Variants in RP2 observed in about 807,000 individuals in gnomAD.
The protein encoded by RP2 is protein XRP2.
Under a neutral mutation model 20.3 loss-of-function variants are expected in RP2, and 3 were observed. The ratio of observed to expected loss-of-function variants is 0.15; its 90% CI spans 0.07 to 0.38. The LOEUF is 0.38. Among genes scored for constraint, RP2 ranks in the 10% least tolerant of loss-of-function variants. The pLI is 1.00. For missense variants in RP2, 233 were observed against 268.5 expected, an observed-to-expected ratio of 0.87 and a Z score of 0.92; for synonymous variants, 75 against 94.8, an observed-to-expected ratio of 0.79 and a Z score of 1.22.
rs782717608 is a variant in RP2 at position 46,852,209 on chromosome X, A to AAG, written c.103-1255_103-1254dup. 7.2e-4 allele frequency among the ~76,000 whole-genome samples: 78 copies of AAG among 108,609 alleles called. 1 individual carries two copies. Among genetic ancestry groups the AAG allele is most frequent in the Non-Finnish European group, 2.1e-4 (11 of 52,134 alleles). 94.3% of individuals were successfully genotyped at this position (108,609 alleles called of 115,157 possible). A position where few individuals can be genotyped will look rare whatever the true frequency, so the allele number is the denominator to read the frequency against. ...GCGACAGAGCGAGACTCCGTCTCGA[A>AAG]AGAGAGAGAGAGAAAGGAGGGAGGG... On this transcript the variant is annotated intron_variant, in intron 1 of 4. Coordinates refer to ENST00000218340, the MANE Select transcript of RP2 (RefSeq NM_006915.3).
chrX:46,837,169 G>A lies in RP2; in HGVS notation c.69G>A (p.Arg23=). 1.7e-6 allele frequency: 2 copies of A among 1,170,916 alleles called. No homozygotes were observed. Among genetic ancestry groups the A allele is most frequent in the Non-Finnish European group, 2.3e-6 (2 of 874,747 alleles). Residue 23 remains arginine, a synonymous_variant, in exon 1 of 5, where the codon CGG becomes CGA. Transcript: ENST00000218340. ...CGCGGCCCGAGAACGAGGAGGAGCG[G>A]CCAAAGCAGTACAGCTGGGATCAGC... is the stretch of plus-strand genomic sequence containing the variant. ...KESRPENEEE[R]PKQYSWDQRE...
Position 46,877,583 on chromosome X carries a change from G to A in RP2, c.962G>A (p.Gly321Glu), listed in dbSNP as rs1925391821. 1 of 1,162,477 alleles carries A rather than the reference G, an allele frequency of 8.6e-7. No individual in the cohort carries two copies. Among genetic ancestry groups the A allele is most frequent in the East Asian group, 3.0e-5 (1 of 33,658 alleles). Reference protein sequence around the residue: ...CQLIVNEIFNGTKMFVSESKE... With the variant: ...CQLIVNEIFNETKMFVSESKE... ...CTTATTGTAAACGAGATATTCAATGGGACCAAGGTACAAGATTTTATTGAC... is the reference window on the plus strand; with the variant it reads ...CTTATTGTAAACGAGATATTCAATGAGACCAAGGTACAAGATTTTATTGAC... The change falls in exon 4 of 5, where the codon GGG becomes GAG. Residue 321 changes from glycine (G) to glutamate (E), a missense_variant. Physicochemically the swap from Gly to Glu is moderately conservative, Grantham distance 98. Coordinates refer to ENST00000218340, the MANE Select transcript of RP2 (RefSeq NM_006915.3).
intron 3 of RP2, among the ~76,000 whole-genome samples, chrX:46,860,714 G>A (rs1423222972): frequency 9.0e-6 from 1 of 111,505 alleles, no homozygotes; most frequent in East Asian, 2.8e-4. Context: ...CTAGAGGACA[G>A]AGTACTCTTT....
intron 3 of RP2, among the ~76,000 whole-genome samples, chrX:46,867,916 G>C (rs1556323303): frequency 2.7e-5 from 3 of 112,106 alleles, no homozygotes; most frequent in Non-Finnish European, 3.8e-5. Context: ...TGGGCAATTA[G>C]GCCGATTTCA....
chrX:46,862,584 C>T (rs1295482324), intron 3 of RP2, among the ~76,000 whole-genome samples: 2 of 109,270 alleles, frequency 1.8e-5, no homozygotes, highest in African/African-American at 6.7e-5. Flanking sequence ...GGCGTGAACC[C>T]GGGAGGTGGA....
intron 1 of RP2, among the ~76,000 whole-genome samples, chrX:46,850,649 G>T (rs1569531530): frequency 9.0e-6 from 1 of 111,005 alleles, no homozygotes; most frequent in African/African-American, 3.3e-5. Flanking sequence ...GGGAAGGGAG[G>T]GTCCTTTATT....
chrX:46,841,541 C>G (rs1344789777), intron 1 of RP2, among the ~76,000 whole-genome samples: 1 of 112,132 alleles, frequency 8.9e-6, no homozygotes, highest in African/African-American at 3.2e-5. Context: ...TGGGGCCTCT[C>G]CATGTATTCC....
chrX:46,863,193 A>T (rs1925108349), intron 3 of RP2, among the ~76,000 whole-genome samples: 2 of 111,703 alleles, frequency 1.8e-5, no homozygotes, highest in Admixed American at 1.9e-4. Flanking sequence ...ATTATCGTTG[A>T]TCCTTTGGTA....
intron 3 of RP2, among the ~76,000 whole-genome samples, chrX:46,872,097 C>G (rs1379099742): frequency 8.9e-6 from 1 of 112,003 alleles, no homozygotes; most frequent in Non-Finnish European, 1.9e-5. Flanking sequence ...CACAAGCCAC[C>G]ATGTCCGACT....
intron 1 of RP2, among the ~76,000 whole-genome samples, chrX:46,844,539 T>C (rs1377801040): frequency 9.0e-6 from 1 of 111,558 alleles, no homozygotes; most frequent in Non-Finnish European, 1.9e-5. Context: ...TAGTATTCCA[T>C]GGTGTTTATG....
At position 46,879,803 on chromosome X, in the gene RP2, C is replaced by T. The variant is rs1556328408; in HGVS notation, c.*34C>T. On this transcript the variant is annotated 3_prime_UTR_variant, in exon 5 of 5. Transcript: ENST00000218340. ...GTGGAACCAGGACTTGGTATTAAGC[C>T]TTTCCCAACTTGTGAATATAGAATT... 1.1e-6 allele frequency: 1 copy of T among 872,868 alleles called. No individual in the cohort carries two copies. 71.9% of individuals were successfully genotyped at this position (872,868 alleles called of 1,213,427 possible). A position where few individuals can be genotyped will look rare whatever the true frequency, so the allele number is the denominator to read the frequency against.
chrX:46,866,352 A>G (rs1271741200), intron 3 of RP2, among the ~76,000 whole-genome samples: 1 of 111,550 alleles, frequency 9.0e-6, no homozygotes, highest in African/African-American at 3.3e-5. Context: ...ATATACACAC[A>G]CATCTATAAT....
In RP2 at chrX:46,877,562, T is replaced by C. The variant is rs781981286; in HGVS notation, c.941T>C (p.Ile314Thr). The C allele has an allele frequency of 3.3e-5, 40 of 1,200,779 alleles. No individual in the cohort carries two copies. The highest frequency in any genetic ancestry group is 2.3e-6 in the Non-Finnish European group (2 of 886,675). ...GDGAVEVCQLIVNEIFNGTKM... is the reference protein window; with the variant it reads ...GDGAVEVCQLTVNEIFNGTKM... ...GGTGCTGTAGAAGTATGTCAACTTA[T>C]TGTAAACGAGATATTCAATGGGACC... Residue 314 changes from isoleucine (I) to threonine (T), a missense_variant, in exon 4 of 5, where the codon ATT (isoleucine) becomes ACT (threonine). Around this residue, in one of 3 missense-constraint regions of RP2, gnomAD observed 118 missense variants for 123.8 expected, o/e 0.95. Transcript: ENST00000218340.
chrX:46,847,892 G>A (rs782196357), intron 1 of RP2, among the ~76,000 whole-genome samples: 32 of 87,387 alleles, frequency 3.7e-4, no homozygotes, highest in African/African-American at 1.1e-3. Context: ...ATATATATGC[G>A]TATATACATA....
In RP2 at chrX:46,853,979, T is replaced by C. The variant is rs144795993; in HGVS notation, c.606T>C (p.Pro202=). 6.8e-4 allele frequency: 818 copies of C among 1,210,135 alleles called. 6 individuals carry two copies. In the African/African-American group the frequency reaches 0.013, roughly 19 times the overall value. ...TGGTTCAGGACTATGTTCCTATACC[T>C]ACTACCGAAGAGCTCAAAGCTGTTC... ...DAVVQDYVPI[P]TTEELKAVRV... Residue 202 remains proline, a synonymous_variant, in exon 2 of 5, where the codon CCT becomes CCC. Coordinates refer to ENST00000218340, the MANE Select transcript of RP2 (RefSeq NM_006915.3).
intron 1 of RP2, among the ~76,000 whole-genome samples, chrX:46,848,970 C>T (rs1197436556): frequency 9.3e-6 from 1 of 108,059 alleles, no homozygotes; most frequent in Non-Finnish European, 1.9e-5. Flanking sequence ...GTCGAGGCTG[C>T]AGTGAGCTGT....
intron 2 of RP2, among the ~76,000 whole-genome samples, chrX:46,859,352 G>A (rs1038122183): frequency 9.2e-6 from 1 of 109,204 alleles, no homozygotes; most frequent in Non-Finnish European, 1.9e-5. Context: ...AGGCATGGTG[G>A]CACGAGCTTG....
In RP2 at chrX:46,848,362, C is replaced by T. The variant is rs1442595658; in HGVS notation, c.103-5114C>T. On this transcript the variant is annotated intron_variant, in intron 1 of 4. Coordinates refer to ENST00000218340, the MANE Select transcript of RP2 (RefSeq NM_006915.3). ...CATTAAATTGATATCAGACGAATTA[C>T]AACTCTTGAAATTTTTCTTTGATTT... Among the ~76,000 whole-genome samples, 4 of 107,642 alleles carry T rather than the reference C, an allele frequency of 3.7e-5. No individual in the cohort carries two copies. In the Admixed American group the frequency reaches 4.0e-4, roughly 11 times the overall value. The allele number at this position is 107,642 out of a possible 115,157, so 93.5% of individuals were successfully genotyped here.
Position 46,879,704 on chromosome X carries a change from A to G in RP2, c.988A>G (p.Lys330Glu). ...NGTKMFVSESKETASGDVDSF... is the reference protein window; with the variant it reads ...NGTKMFVSESEETASGDVDSF... ...AAAATAGATGTTTGTATCTGAAAGC[A>G]AGGAGACGGCATCTGGAGATGTAGA... The change falls in exon 5 of 5, where the codon AAG becomes GAG. Residue 330 changes from lysine to glutamate, a missense_variant. This residue lies in a region of RP2 where 118 missense variants were observed against 123.8 expected (regional missense o/e 0.95). Transcript: ENST00000218340. 1 of 1,197,929 alleles carries G rather than the reference A, an allele frequency of 8.3e-7. No individual in the cohort carries two copies. Among genetic ancestry groups the G allele is most frequent in the Non-Finnish European group, 1.1e-6 (1 of 884,123 alleles).
Sources: allele counts gnomAD v4.1 joint callset (sites outside exome capture counted in the v4.1 genomes callset), GRCh38; gene constraint gnomAD v4.1.1; regional missense constraint gnomAD v4.1.1; transcripts MANE v1.5; gene names NCBI Gene and HGNC (gene_info 2026-07-23, HGNC 2026-07-21).